RIMS2: variants seen among roughly 807,000 people sequenced by gnomAD.
The protein encoded by RIMS2 is regulating synaptic membrane exocytosis protein 2.
RIMS2 carries 59 observed loss-of-function variants against 174.4 expected under a neutral mutation model. That is an observed-to-expected ratio of 0.34 (90% CI 0.27 to 0.42). The LOEUF (loss-of-function observed/expected upper bound fraction) is 0.42, where lower values mean the gene tolerates loss of function less well. Ranked by LOEUF, RIMS2 falls within the 10% of genes least tolerant of loss-of-function variation. The pLI is 1.00. For missense variants in RIMS2, 1,620 were observed against 1,666.3 expected (o/e 0.97, Z 0.48); for synonymous variants, 606 against 572.5 (o/e 1.06, Z -0.84).
intron 22 of RIMS2, among the ~76,000 whole-genome samples, chr8:104,250,691 A>G (rs1415879771): frequency 6.6e-6 from 1 of 152,208 alleles, no homozygotes; most frequent in Non-Finnish European, 1.5e-5. Context: ...AGCATGTTAA[A>G]TAGATTTAAG....
intron 1 of RIMS2, among the ~76,000 whole-genome samples, chr8:103,644,334 A>G (rs1016424758): frequency 2.0e-5 from 3 of 152,194 alleles, no homozygotes; most frequent in Non-Finnish European, 4.4e-5. Flanking sequence ...AGGTCACATT[A>G]ATTTCTTGAT....
chr8:104,123,463 A>G (rs904260959), intron 19 of RIMS2, among the ~76,000 whole-genome samples: 1 of 152,054 alleles, frequency 6.6e-6, no homozygotes, highest in African/African-American at 2.4e-5. Flanking sequence ...GTAAGAATCA[A>G]TGAGTATGAC....
chr8:104,080,086 G>T (rs1217826175), intron 19 of RIMS2, among the ~76,000 whole-genome samples: 1 of 151,958 alleles, frequency 6.6e-6, no homozygotes, highest in Non-Finnish European at 1.5e-5. Context: ...TAATAATAGT[G>T]GAAAGAATAC....
At chr8:103,732,570 TATC>T (rs1359257804) in intron 2 of RIMS2, among the ~76,000 whole-genome samples, 1 of 152,090 alleles carries the variant, frequency 6.6e-6, no homozygotes, top group East Asian at 1.9e-4. Context: ...GGTCCAGAGA[TATC>T]ATCTGGGAGC....
At chr8:103,901,826 T>G (rs749598590) in intron 4 of RIMS2, among the ~76,000 whole-genome samples, 35 of 152,230 alleles carry the variant, frequency 2.3e-4, no homozygotes, top group Admixed American at 1.7e-3. Flanking sequence ...GTATTGGAGC[T>G]TAAGACTTGG....
chr8:103,783,739 T>C (rs899064865), intron 3 of RIMS2, among the ~76,000 whole-genome samples: 7 of 151,826 alleles, frequency 4.6e-5, no homozygotes, highest in African/African-American at 1.7e-4. Flanking sequence ...TGTGTGCATG[T>C]GTCTTTATAG....
At chr8:103,621,463 T>A (rs2095633608) in intron 1 of RIMS2, among the ~76,000 whole-genome samples, 1 of 152,182 alleles carries the variant, frequency 6.6e-6, no homozygotes, top group Non-Finnish European at 1.5e-5. Context: ...CACCTTCAAA[T>A]AAGGAAGAGG....
At chr8:104,144,718 A>G (rs1450958918) in intron 19 of RIMS2, among the ~76,000 whole-genome samples, 3 of 152,084 alleles carry the variant, frequency 2.0e-5, no homozygotes, top group South Asian at 2.1e-4. Flanking sequence ...CTGAACACAT[A>G]ATTTTATTTT....
chr8:103,571,191 TATTC>T (rs1339367197), intron 1 of RIMS2, among the ~76,000 whole-genome samples: 1 of 152,260 alleles, frequency 6.6e-6, no homozygotes, highest in African/African-American at 2.4e-5. Context: ...ACATACTATG[TATTC>T]ATTAAGTGTT....
intron 19 of RIMS2, among the ~76,000 whole-genome samples, chr8:104,172,040 A>G (rs1022713034): frequency 2.0e-5 from 3 of 152,070 alleles, no homozygotes; most frequent in Non-Finnish European, 4.4e-5. Flanking sequence ...AATCTCTTGA[A>G]GCTTATCTCA....
chr8:103,577,789 AC>A (rs1422875779), intron 1 of RIMS2, among the ~76,000 whole-genome samples: 2 of 152,318 alleles, frequency 1.3e-5, no homozygotes, highest in African/African-American at 4.8e-5. Flanking sequence ...GAAACCTTGG[AC>A]CTGAGAAATA....
intron 1 of RIMS2, among the ~76,000 whole-genome samples, chr8:103,603,191 C>A (rs568803674): frequency 3.6e-5 from 5 of 140,118 alleles, no homozygotes; most frequent in East Asian, 4.3e-4. Context: ...TATTCCCCTT[C>A]CTGTGTCCAT....
At chr8:103,815,260 G>A (rs752911731) in intron 3 of RIMS2, among the ~76,000 whole-genome samples, 1 of 152,154 alleles carries the variant, frequency 6.6e-6, no homozygotes, top group Non-Finnish European at 1.5e-5. Flanking sequence ...GTATGAGACT[G>A]TGCGTTTTTT....
At chr8:103,904,637 T>G (rs960917184) in intron 4 of RIMS2, among the ~76,000 whole-genome samples, 5 of 152,088 alleles carry the variant, frequency 3.3e-5, no homozygotes, top group African/African-American at 9.7e-5. Context: ...AGGAATAAAC[T>G]TCATTTGGTC....
intron 15 of RIMS2, among the ~76,000 whole-genome samples, chr8:103,969,030 T>A (rs2092527840): frequency 6.6e-6 from 1 of 152,114 alleles, no homozygotes; most frequent in Admixed American, 6.5e-5. Flanking sequence ...AATATTTCAC[T>A]CCACTCTCTT....
At chr8:103,745,379 C>A (rs1334661516) in intron 2 of RIMS2, among the ~76,000 whole-genome samples, 1 of 152,000 alleles carries the variant, frequency 6.6e-6, no homozygotes, top group Non-Finnish European at 1.5e-5. Context: ...AATCGAAAGA[C>A]ACTTTTGTTG....
At chr8:103,739,549 C>A (rs991473270) in intron 2 of RIMS2, among the ~76,000 whole-genome samples, 9 of 152,062 alleles carry the variant, frequency 5.9e-5, no homozygotes, top group Admixed American at 2.6e-4. Context: ...AAATAAACTT[C>A]AATGTTATTT....
At chr8:104,155,705 G>A (rs150662376) in intron 19 of RIMS2, among the ~76,000 whole-genome samples, 4 of 151,804 alleles carry the variant, frequency 2.6e-5, no homozygotes, top group African/African-American at 9.7e-5. Flanking sequence ...GAGCCACTGC[G>A]CCGGCCTTGG....
chr8:103,695,674 T>C (rs202237321), intron 1 of RIMS2, among the ~76,000 whole-genome samples: 1 of 118,900 alleles, frequency 8.4e-6, no homozygotes, highest in Non-Finnish European at 2.2e-5. Flanking sequence ...TATTTACTTA[T>C]TTATATTTTT....
Sources: allele counts gnomAD v4.1 joint callset (sites outside exome capture counted in the v4.1 genomes callset), GRCh38; gene constraint gnomAD v4.1.1; transcripts MANE v1.5; gene names NCBI Gene and HGNC (gene_info 2026-07-23, HGNC 2026-07-21).